The following SLC1A1 variants were observed in gnomAD, a reference collection of about 807,000 sequenced individuals.
SLC1A1 encodes excitatory amino acid transporter 3.
A neutral mutation model predicts 53.3 loss-of-function variants in SLC1A1; 43 were observed. That is an observed-to-expected ratio of 0.81 (90% confidence interval 0.63 to 1.04). The LOEUF is 1.04. SLC1A1 is among the 50% of genes least tolerant of loss of function. The pLI is 0.00. For synonymous variants in SLC1A1, 307 were observed against 243.2 expected (o/e 1.26, Z -2.44); for missense variants, 748 against 664.9 (o/e 1.12, Z -1.37).
chr9:4,490,737 G>A lies in SLC1A1; in HGVS notation c.58G>A (p.Val20Met). 2 of 1,612,932 alleles carry A rather than the reference G, an allele frequency of 1.2e-6. No homozygotes were observed. Among genetic ancestry groups the A allele is most frequent in the Non-Finnish European group, 1.7e-6 (2 of 1,179,150 alleles). ...EWKRFLKNNW[V>M]LLSTVAAVVL... ...GAAGCGCTTCCTGAAGAATAACTGGGTGTTGCTGTCCACCGTGGCCGCGGT... is the reference window on the plus strand; with the variant it reads ...GAAGCGCTTCCTGAAGAATAACTGGATGTTGCTGTCCACCGTGGCCGCGGT... The change falls in exon 1 of 12, where the codon GTG (valine) becomes ATG (methionine). Residue 20 changes from valine (V) to methionine (M), a missense_variant. Val to Met is a conservative substitution (Grantham distance 21). Coordinates refer to ENST00000262352, the MANE Select transcript of SLC1A1 (RefSeq NM_004170.6).
Position 4,512,877 on chromosome 9 carries a change from G to C in SLC1A1, c.91+22107G>C, listed in dbSNP as rs1359208608. ...ACTCCTGGGCTCAAGAAGTCCTCCT[G>C]CTTCAGACTCTCAAAGTGCTGAGAT... On this transcript the variant is annotated intron_variant, in intron 1 of 11. Transcript: ENST00000262352. Among the ~76,000 whole-genome samples, 9 of 152,094 alleles carry C rather than the reference G, an allele frequency of 5.9e-5. No individual in the cohort carries two copies. The East Asian group carries it at 7.7e-4, about 13-fold the overall frequency.
chr9:4,515,253 A>G (rs1274038265), intron 1 of SLC1A1, among the ~76,000 whole-genome samples: 1 of 152,136 alleles, frequency 6.6e-6, no homozygotes, highest in Non-Finnish European at 1.5e-5. Flanking sequence ...CATTTTGTCT[A>G]TCAAGGTGAT....
At chr9:4,555,175 C>G (rs1818258634) in intron 2 of SLC1A1, among the ~76,000 whole-genome samples, 1 of 152,244 alleles carries the variant, frequency 6.6e-6, no homozygotes, top group South Asian at 2.1e-4. Context: ...GGTGGCCTCT[C>G]TGCCGGTGAC....
At chr9:4,542,879 T>G (rs1817138915) in intron 1 of SLC1A1, among the ~76,000 whole-genome samples, 1 of 152,208 alleles carries the variant, frequency 6.6e-6, no homozygotes, top group Non-Finnish European at 1.5e-5. Context: ...TTCATCTTTG[T>G]CTTAGCTACA....
chr9:4,536,315 C>A (rs890805457), intron 1 of SLC1A1, among the ~76,000 whole-genome samples: 5 of 151,240 alleles, frequency 3.3e-5, no homozygotes, highest in African/African-American at 1.2e-4. Flanking sequence ...GGCTAATACC[C>A]AGAATATACA....
intron 1 of SLC1A1, among the ~76,000 whole-genome samples, chr9:4,523,959 G>A (rs775413797): frequency 6.6e-6 from 1 of 152,198 alleles, no homozygotes; most frequent in Non-Finnish European, 1.5e-5. Flanking sequence ...AAGGGTTACT[G>A]ATGAATTCCT....
intron 1 of SLC1A1, among the ~76,000 whole-genome samples, chr9:4,522,078 G>A (rs1346383274): frequency 1.6e-5 from 2 of 123,270 alleles, no homozygotes; most frequent in African/African-American, 6.4e-5. Context: ...TTGAGATGGA[G>A]TCTTACTCTG....
At chr9:4,545,189 GTCTCTC>G (rs6150901) in intron 2 of SLC1A1, among the ~76,000 whole-genome samples, 12 of 130,986 alleles carry the variant, frequency 9.2e-5, no homozygotes, top group East Asian at 6.5e-4. Context: ...TACATTAGAT[GTCTCTC>G]TCTCTCTCTC....
intron 2 of SLC1A1, chr9:4,559,868 C>G (rs1818764577): frequency 6.6e-6 from 1 of 152,184 alleles, no homozygotes; most frequent in Non-Finnish European, 1.5e-5. Context: ...GGCCCATTCC[C>G]CACGTCCAAG....
At chr9:4,509,284 T>A (rs1031397696) in intron 1 of SLC1A1, among the ~76,000 whole-genome samples, 18 of 151,988 alleles carry the variant, frequency 1.2e-4, no homozygotes, top group Non-Finnish European at 1.9e-4. Flanking sequence ...CCTGTATTGG[T>A]TAGGGACCTG....
chr9:4,521,037 C>A (rs1299996918), intron 1 of SLC1A1, among the ~76,000 whole-genome samples: 1 of 152,100 alleles, frequency 6.6e-6, no homozygotes, highest in Non-Finnish European at 1.5e-5. Context: ...TATTCGACAT[C>A]TTTTTATATG....
intron 2 of SLC1A1, among the ~76,000 whole-genome samples, chr9:4,547,926 T>G (rs59068007): frequency 0.01 from 1,547 of 152,168 alleles, 28 homozygotes; most frequent in African/African-American, 0.035. Flanking sequence ...GAAAATAAAA[T>G]TACACAACAG....
intron 10 of SLC1A1, among the ~76,000 whole-genome samples, chr9:4,580,651 G>GTATGTGTATGTGTGTGTGTGTA (rs1554690422): frequency 8.4e-6 from 1 of 118,844 alleles, no homozygotes; most frequent in African/African-American, 3.3e-5. Context: ...GTGTGTGTGT[G>GTATGTGTATGTGTGTGTGTGTA]TATAAGGAAT....
At position 4,567,745 on chromosome 9, in the gene SLC1A1, T is replaced by G; in HGVS notation, c.560T>G (p.Val187Gly). The G allele has an allele frequency of 6.2e-7, 1 of 1,610,070 alleles. No homozygotes were observed. Among genetic ancestry groups the G allele is most frequent in the Non-Finnish European group, 8.5e-7 (1 of 1,176,470 alleles). The change falls in exon 6 of 12, where the codon GTC (valine) becomes GGC (glycine). Residue 187 changes from valine (V) to glycine (G), a missense_variant. Coordinates refer to ENST00000262352, the MANE Select transcript of SLC1A1 (RefSeq NM_004170.6). ...MNMTEESFTA[V>G]MTTAISKNKT... ...ATGACAGAAGAGTCCTTCACAGCTGTCATGACAACTGCAATTTCCAAGGTA... is the reference window on the plus strand; with the variant it reads ...ATGACAGAAGAGTCCTTCACAGCTGGCATGACAACTGCAATTTCCAAGGTA...
intron 1 of SLC1A1, among the ~76,000 whole-genome samples, chr9:4,504,731 T>A (rs1205487699): frequency 6.6e-6 from 1 of 152,244 alleles, no homozygotes; most frequent in Non-Finnish European, 1.5e-5. Flanking sequence ...GTGCTCTTAC[T>A]GGTTTTTAAA....
intron 2 of SLC1A1, among the ~76,000 whole-genome samples, chr9:4,552,177 A>C (rs1276843045): frequency 6.6e-6 from 1 of 152,192 alleles, no homozygotes; most frequent in Non-Finnish European, 1.5e-5. Flanking sequence ...GACCTGGAAG[A>C]CCATTCGTTC....
At chr9:4,504,773 T>A (rs188915529) in intron 1 of SLC1A1, among the ~76,000 whole-genome samples, 1 of 152,330 alleles carries the variant, frequency 6.6e-6, no homozygotes, top group African/African-American at 2.4e-5. Flanking sequence ...TAAATTTAAA[T>A]AATTTCTTTA....
Position 4,583,263 on chromosome 9 carries a change from A to G in SLC1A1, c.1328+91A>G. 1 of 1,531,530 alleles carries G rather than the reference A, an allele frequency of 6.5e-7. No homozygotes were observed. Among genetic ancestry groups the G allele is most frequent in the Non-Finnish European group, 9.0e-7 (1 of 1,107,208 alleles). 94.9% of individuals were successfully genotyped at this position (1,531,530 alleles called of 1,614,324 possible). On this transcript the variant is annotated intron_variant, in intron 11 of 11. Transcript: ENST00000262352. This position sits in a 1 kb window ranked among gnomAD's most constrained non-coding sequence, Gnocchi z 4.6. ...TGCAGTCTGTCATCATTCTCTCCTC[A>G]GATTGCCTAATGAGCCACCTGTTGC...
intron 2 of SLC1A1, among the ~76,000 whole-genome samples, chr9:4,550,427 A>G (rs1564027928): frequency 6.6e-6 from 1 of 152,118 alleles, no homozygotes; most frequent in Non-Finnish European, 1.5e-5. Flanking sequence ...GTCTCATTCT[A>G]TGGCCCAAGC....
Sources: gnomAD v4.1 joint callset for allele counts (sites outside exome capture counted in the v4.1 genomes callset) on GRCh38, gnomAD v4.1.1 for gene constraint, Gnocchi (gnomAD v3.1) non-coding constraint, MANE v1.5 for transcripts, NCBI Gene and HGNC (gene_info 2026-07-23, HGNC 2026-07-21) for gene names.